The following NPHP4 variants were observed in gnomAD, a reference collection of about 807,000 sequenced individuals.
The protein encoded by NPHP4 is nephrocystin-4.
In NPHP4, 151 loss-of-function variants were observed where a neutral mutation model predicts 155.8. That is an observed-to-expected ratio of 0.97 (90% confidence interval 0.85 to 1.11). NPHP4 has a LOEUF of 1.11. NPHP4 is among the 50% of genes least tolerant of loss of function. The pLI is 0.00. For synonymous variants in NPHP4, 845 were observed against 816.8 expected, an observed-to-expected ratio of 1.03 and a Z score of -0.59; for missense variants, 1,956 against 1,925.7, an observed-to-expected ratio of 1.02 and a Z score of -0.29.
At chr1:5,907,932 A>G (rs1247563722) in intron 12 of NPHP4, among the ~76,000 whole-genome samples, 1 of 152,220 alleles carries the variant, frequency 6.6e-6, no homozygotes, top group African/African-American at 2.4e-5. Flanking sequence ...TGCGGCTTAA[A>G]ACACTGATGC....
intron 6 of NPHP4, among the ~76,000 whole-genome samples, chr1:5,957,844 G>C (rs1332298588): frequency 6.6e-6 from 1 of 152,218 alleles, no homozygotes; most frequent in Non-Finnish European, 1.5e-5. Flanking sequence ...CTTTGAGCTA[G>C]TCCAGGTTTA....
intron 9 of NPHP4, among the ~76,000 whole-genome samples, chr1:5,937,386 A>G (rs765224652): frequency 6.6e-6 from 1 of 152,234 alleles, no homozygotes; most frequent in Non-Finnish European, 1.5e-5. Context: ...AAGCCACTGG[A>G]AAGTCATACA....
chr1:5,922,018 G>A (rs909388358), intron 11 of NPHP4, among the ~76,000 whole-genome samples: 1 of 152,206 alleles, frequency 6.6e-6, no homozygotes, highest in African/African-American at 2.4e-5. Context: ...CCTGAGATGG[G>A]GGGATGACCC....
chr1:5,933,181 T>C lies in NPHP4; in HGVS notation c.1268A>G (p.Tyr423Cys). Reference protein sequence around the residue: ...IQPNPSHCLVYKVPSASMSSE... With the variant: ...IQPNPSHCLVCKVPSASMSSE... ...GCTCATGCTGGCTGAGGGTACCTTG[T>C]AGACCAGACAGTGCGAGGGGTTGGG... The change falls in exon 10 of 30, where the codon TAC (tyrosine) becomes TGC (cysteine). Residue 423 changes from tyrosine (Y) to cysteine (C), a missense_variant. Transcript: ENST00000378156. The C allele has an allele frequency of 1.9e-6, 3 of 1,610,706 alleles. No homozygotes were observed. The highest frequency in any genetic ancestry group is 2.5e-6 in the Non-Finnish European group (3 of 1,177,458).
intron 9 of NPHP4, among the ~76,000 whole-genome samples, chr1:5,945,551 G>A (rs1647045541): frequency 6.6e-6 from 1 of 152,082 alleles, no homozygotes; most frequent in Admixed American, 6.5e-5. Flanking sequence ...TCAACTCGCC[G>A]CTACCAGAAG....
In NPHP4 at chr1:5,907,116, G is replaced by A; in HGVS notation, c.1610C>T (p.Ala537Val). The A allele has an allele frequency of 1.3e-6, 2 of 1,517,624 alleles. No homozygotes were observed. The highest frequency in any genetic ancestry group is 1.8e-6 in the Non-Finnish European group (2 of 1,125,970). 94.0% of individuals were successfully genotyped at this position (1,517,624 alleles called of 1,614,324 possible). A position where few individuals can be genotyped will look rare whatever the true frequency, so the allele number is the denominator to read the frequency against. Residue 537 changes from alanine to valine, a missense_variant and splice_region_variant, in exon 13 of 30, where the codon GCA (alanine) becomes GTA (valine). Transcript: ENST00000378156. The part of the protein sequence containing the change: ...PHGSQASPAQ[A>V]QEFPLEAGIS... ...AGGCGGCAGGTGGGCGGCACTTACT[G>A]CCTGGGCCGGGGAGGCCTGAGAGCC...
At chr1:5,866,993 A>G in intron 25 of NPHP4, 37 bp downstream of exon 25, 1 of 1,534,092 alleles carries the variant, frequency 6.5e-7, no homozygotes, top group Non-Finnish European at 9.0e-7. Flanking sequence ...ACTCACTGGG[A>G]AGGATCTGCC....
intron 18 of NPHP4, 99 bp from the exon 19 acceptor site, chr1:5,880,338 C>CCACCGA: frequency 8.1e-7 from 1 of 1,234,714 alleles, no homozygotes; most frequent in Non-Finnish European, 1.2e-6. Context: ...TTCAAATGGC[C>CCACCGA]TATCTACACC....
chr1:5,923,893 C>G (rs560879705), intron 11 of NPHP4, among the ~76,000 whole-genome samples: 7 of 152,286 alleles, frequency 4.6e-5, no homozygotes, highest in Admixed American at 3.3e-4. Context: ...AGAACCCAAT[C>G]AGGACAAAAA....
At chr1:5,928,147 G>GTGCA (rs1255371151) in intron 10 of NPHP4, among the ~76,000 whole-genome samples, 1 of 152,062 alleles carries the variant, frequency 6.6e-6, no homozygotes, top group Admixed American at 6.5e-5. Flanking sequence ...CACACCCAGG[G>GTGCA]TGCAGGCCAG....
At position 5,864,527 on chromosome 1, in the gene NPHP4, C is replaced by T. The variant is rs1248757752; in HGVS notation, c.3817-10G>A. On this transcript the variant is annotated splice_polypyrimidine_tract_variant and intron_variant, in intron 27 of 29. Coordinates refer to ENST00000378156, the MANE Select transcript of NPHP4 (RefSeq NM_015102.5). ...CACCTTTGGGGTCTGTCTTCAAGAG[C>T]GAGAGAGGCGGGTCAGAGCACAGCC... The T allele has an allele frequency of 3.3e-6, 5 of 1,535,366 alleles. No individual in the cohort carries two copies. Among genetic ancestry groups the T allele is most frequent in the Admixed American group, 2.0e-5 (1 of 50,114 alleles).
chr1:5,909,181 C>T lies in NPHP4; in HGVS notation c.1474G>A (p.Ala492Thr), dbSNP rs1645057410. 1.9e-6 allele frequency: 3 copies of T among 1,603,494 alleles called. No homozygotes were observed. The highest frequency in any genetic ancestry group is 2.6e-6 in the Non-Finnish European group (3 of 1,175,426). ...GGTCCCACAGGTGAGTTCTGCGGGG[C>T]AGCGAGAACTCGAGGTACTGGCGCT... ...PPAPVPRVLA[A>T]PQNSPVGPGL... Residue 492 changes from alanine (A) to threonine (T), a missense_variant, in exon 12 of 30, where the codon GCC becomes ACC. Ala to Thr is a moderately conservative substitution (Grantham distance 58, BLOSUM62 0). Transcript: ENST00000378156.
chr1:5,885,901 C>A (rs140174679), intron 18 of NPHP4, among the ~76,000 whole-genome samples: 1 of 152,204 alleles, frequency 6.6e-6, no homozygotes, highest in Non-Finnish European at 1.5e-5. Context: ...CGGGTGGATT[C>A]GACCTTTGTG....
chr1:5,914,927 G>A (rs111292395), intron 11 of NPHP4, among the ~76,000 whole-genome samples: 5 of 152,204 alleles, frequency 3.3e-5, no homozygotes, highest in East Asian at 1.9e-4. Context: ...CCTCCCCCCC[G>A]CACCCTGAAA....
intron 16 of NPHP4, among the ~76,000 whole-genome samples, chr1:5,894,404 C>T (rs1359392385): frequency 6.6e-6 from 1 of 150,754 alleles, no homozygotes; most frequent in Non-Finnish European, 1.5e-5. Flanking sequence ...AAGCTGAGAT[C>T]ACGCCACTGC....
chr1:5,989,572 C>A (rs1655944870), intron 1 of NPHP4, among the ~76,000 whole-genome samples: 1 of 152,166 alleles, frequency 6.6e-6, no homozygotes, highest in South Asian at 2.1e-4. Flanking sequence ...AGTAAATGGT[C>A]ACGGAACCAA....
Position 5,944,481 on chromosome 1 carries a change from TC to T in NPHP4, c.1119+2622del, listed in dbSNP as rs1296085962. ...GCCATTGTGCCTTTCTCCTCTCACG[TC>T]CCGCTCAATTCCAGTTTCACCCGGT... On this transcript the variant is annotated intron_variant, in intron 9 of 29. Coordinates refer to ENST00000378156, the MANE Select transcript of NPHP4 (RefSeq NM_015102.5). The surrounding 1 kb of genome is among the most constrained non-coding windows in gnomAD (Gnocchi z 4.3). 6.6e-6 allele frequency among the ~76,000 whole-genome samples: 1 copy of T among 152,196 alleles called. No homozygotes were observed. The highest frequency in any genetic ancestry group is 1.5e-5 in the Non-Finnish European group (1 of 68,034).
chr1:5,947,094 C>G lies in NPHP4; in HGVS notation c.1119+10G>C. On this transcript the variant is annotated intron_variant, in intron 9 of 29. Transcript: ENST00000378156. The stretch of plus-strand genomic sequence containing the variant: ...CCAGAGGAAACCGAGTGCAAAAGGG[C>G]TGTTCTTACATTGCCGTCCACTCCT... 1.2e-6 allele frequency: 2 copies of G among 1,613,930 alleles called. No homozygotes were observed. Among genetic ancestry groups the G allele is most frequent in the Non-Finnish European group, 1.7e-6 (2 of 1,179,852 alleles).
intron 13 of NPHP4, among the ~76,000 whole-genome samples, chr1:5,906,646 C>A (rs1431918496): frequency 6.6e-6 from 1 of 152,244 alleles, no homozygotes; most frequent in Non-Finnish European, 1.5e-5. Flanking sequence ...AAACCAAACT[C>A]CATAGGAATT....
Sources: allele counts gnomAD v4.1 joint callset (sites outside exome capture counted in the v4.1 genomes callset), GRCh38; gene constraint gnomAD v4.1.1; non-coding constraint Gnocchi (gnomAD v3.1); transcripts MANE v1.5; gene names NCBI Gene and HGNC (gene_info 2026-07-23, HGNC 2026-07-21).